The following C2CD2 variants were observed in gnomAD, a reference collection of about 807,000 sequenced individuals.
The protein encoded by C2CD2 is C2 domain-containing protein 2.
Under a neutral mutation model 74.3 loss-of-function variants are expected in C2CD2, and 43 were observed. That is an observed-to-expected ratio of 0.58 (90% confidence interval 0.45 to 0.75). The LOEUF is 0.75. Among genes scored for constraint, C2CD2 ranks in the 30% least tolerant of loss-of-function variants. C2CD2 has a pLI of 0.00. For synonymous variants in C2CD2, 422 were observed against 390.7 expected (o/e 1.08, Z -0.94); for missense variants, 801 against 916.3 (o/e 0.87, Z 1.63).
intron 13 of C2CD2, chr21:41,894,659 T>C (rs1289844225): frequency 2.2e-6 from 1 of 456,504 alleles, no homozygotes; most frequent in South Asian, 1.5e-5. Flanking sequence ...ATGAGTTGCG[T>C]CTCCAGAGAG....
chr21:41,947,112 TTC>T (rs147753254), intron 1 of C2CD2, among the ~76,000 whole-genome samples: 70 of 26,210 alleles, frequency 2.7e-3, no homozygotes, highest in African/African-American at 8.1e-3. Context: ...CCTTTCTCTT[TTC>T]TCTCTCTCTC....
Position 41,906,996 on chromosome 21 carries a change from G to A in C2CD2, c.1314C>T (p.Ser438=). 1 of 1,613,102 alleles carries A rather than the reference G, an allele frequency of 6.2e-7. No homozygotes were observed. Among genetic ancestry groups the A allele is most frequent in the Non-Finnish European group, 8.5e-7 (1 of 1,179,480 alleles). ...RVDVGRASPL[S]SDSPVKTPIK... is the part of the protein sequence containing the mutation. ...ACTGCGTTCCTGTTGTCTCACCAGA[G>A]CTCAGCGGGGACGCCCTCCCCACGT... The change falls in exon 10 of 14, where the codon AGC becomes AGT. Residue 438 remains serine, a synonymous_variant. Transcript: ENST00000380486.
chr21:41,930,149 A>AC (rs1194581792), intron 2 of C2CD2, among the ~76,000 whole-genome samples: 2 of 149,686 alleles, frequency 1.3e-5, no homozygotes, highest in African/African-American at 4.9e-5. Context: ...GAGTTTCATC[A>AC]TGGGCACACT....
chr21:41,898,482 C>T (rs193256291), intron 13 of C2CD2, among the ~76,000 whole-genome samples: 3 of 152,352 alleles, frequency 2.0e-5, no homozygotes, highest in East Asian at 3.9e-4. Context: ...TTTTAAAGCA[C>T]GGACTTAGGG....
intron 12 of C2CD2, among the ~76,000 whole-genome samples, chr21:41,900,699 T>C (rs2064884556): frequency 6.6e-6 from 1 of 152,070 alleles, no homozygotes; most frequent in Admixed American, 6.5e-5. Context: ...GCGTGCCCTC[T>C]GCCCACCCAC....
rs180776425 is a variant in C2CD2, at chr21:41,903,528, G to A, written c.1433-1779C>T. On this transcript the variant is annotated intron_variant, in intron 11 of 13. Coordinates refer to ENST00000380486, the MANE Select transcript of C2CD2 (RefSeq NM_015500.2). The surrounding 1 kb of genome is among the most constrained non-coding windows in gnomAD (Gnocchi z 4.5). Reference sequence around the variant, plus strand: ...GCCATAGAAAATCTACACATTTGGCGTCAGGAGTGTTGTGAGTAGAGGAAC... The same window carrying A: ...GCCATAGAAAATCTACACATTTGGCATCAGGAGTGTTGTGAGTAGAGGAAC... Among the ~76,000 whole-genome samples, 116 of 152,346 alleles carry A rather than the reference G, an allele frequency of 7.6e-4. 1 individual carries two copies. The highest frequency in any genetic ancestry group is 2.6e-3 in the African/African-American group (110 of 41,590).
Position 41,907,036 on chromosome 21 carries a change from G to A in C2CD2, c.1274C>T (p.Thr425Ile), listed in dbSNP as rs1477450906. The A allele has an allele frequency of 1.2e-6, 2 of 1,613,952 alleles. No individual in the cohort carries two copies. The highest frequency in any genetic ancestry group is 1.7e-6 in the Non-Finnish European group (2 of 1,179,966). ...CCTCCCCACGTCGACGCGAGGCTTG[G>A]TCTTCACAGCAGTGACAGTAGTGAC... Reference protein sequence around the residue: ...TVVTTVTAVKTKPRVDVGRAS... With the variant: ...TVVTTVTAVKIKPRVDVGRAS... The change falls in exon 10 of 14, where the codon ACC becomes ATC. Residue 425 changes from threonine (T) to isoleucine (I), a missense_variant. Physicochemically the swap from Thr to Ile is moderately conservative, Grantham distance 89 (BLOSUM62 -1). Transcript: ENST00000380486.
At chr21:41,890,327 T>C (rs941095225) in intron 13 of C2CD2, among the ~76,000 whole-genome samples, 5 of 152,182 alleles carry the variant, frequency 3.3e-5, no homozygotes, top group Non-Finnish European at 7.3e-5. Flanking sequence ...ATACAGATAT[T>C]TACCTGGCTA....
intron 2 of C2CD2, among the ~76,000 whole-genome samples, chr21:41,930,413 G>T (rs188160716): frequency 4.0e-5 from 6 of 150,046 alleles, no homozygotes; most frequent in African/African-American, 1.4e-4. Context: ...GAAAATGGGG[G>T]TATTCAGGGC....
chr21:41,942,492 C>T lies in C2CD2; in HGVS notation c.280-247G>A, dbSNP rs3746911. On this transcript the variant is annotated intron_variant, in intron 1 of 13. Transcript: ENST00000380486. The stretch of plus-strand genomic sequence containing the variant: ...AGAAGGCTGGGAAAGGACAGGAACC[C>T]GGGAGTAAACCTGAAGATGCTGCAG... 4.8e-3 allele frequency among the ~76,000 whole-genome samples: 729 copies of T among 152,262 alleles called. 18 individuals are homozygous for T. The highest frequency in any genetic ancestry group is 0.036 in the East Asian group (186 of 5,166).
chr21:41,931,424 G>GT (rs2077218439), intron 2 of C2CD2, among the ~76,000 whole-genome samples: 1 of 89,474 alleles, frequency 1.1e-5, no homozygotes, highest in African/African-American at 4.1e-5. Flanking sequence ...TGAGAAGAGT[G>GT]TCTTTTTTTT....
Position 41,899,065 on chromosome 21 carries a change from T to G in C2CD2, c.1858A>C (p.Lys620Gln), listed in dbSNP as rs2064858341. 3 of 1,613,448 alleles carry G rather than the reference T, an allele frequency of 1.9e-6. No individual in the cohort carries two copies. The highest frequency in any genetic ancestry group is 2.5e-6 in the Non-Finnish European group (3 of 1,179,864). ...CGGGAGCAGGTACCTTTATGCTTTT[T>G]GGCAGTGCCCGGCTCCAAGACACTC... is the stretch of plus-strand genomic sequence containing the variant. ...SMSVLEPGTA[K>Q]KHKGGILRKG... Residue 620 changes from lysine (K) to glutamine (Q), a missense_variant, in exon 13 of 14, where the codon AAA (lysine) becomes CAA (glutamine). Lys to Gln is a moderately conservative substitution (Grantham distance 53). Coordinates refer to ENST00000380486, the MANE Select transcript of C2CD2 (RefSeq NM_015500.2). This position sits in a 1 kb window ranked among gnomAD's most constrained non-coding sequence, Gnocchi z 4.4.
rs1022148169 is a variant in C2CD2, at chr21:41,953,693, G to A, written c.-45C>T. ...TCGCCCCAACTTCCCCGGCAGCCCCGGGCCGGAACGGCGGACTCAGGACAC... is the reference window on the plus strand; with the variant it reads ...TCGCCCCAACTTCCCCGGCAGCCCCAGGCCGGAACGGCGGACTCAGGACAC... On this transcript the variant is annotated 5_prime_UTR_variant, in exon 1 of 14. Coordinates refer to ENST00000380486, the MANE Select transcript of C2CD2 (RefSeq NM_015500.2). The A allele has an allele frequency of 7.4e-7, 1 of 1,343,692 alleles. No individual in the cohort carries two copies. Among genetic ancestry groups the A allele is most frequent in the Non-Finnish European group, 9.5e-7 (1 of 1,051,448 alleles). 83.2% of individuals were successfully genotyped at this position (1,343,692 alleles called of 1,614,324 possible).
At position 41,899,202 on chromosome 21, in the gene C2CD2, G is replaced by A. The variant is rs768114873; in HGVS notation, c.1721C>T (p.Pro574Leu). The A allele has an allele frequency of 1.2e-6, 2 of 1,612,478 alleles. No homozygotes were observed. Among genetic ancestry groups the A allele is most frequent in the Non-Finnish European group, 8.5e-7 (1 of 1,179,462 alleles). Reference sequence around the variant, plus strand: ...CCAGGAGTCTAGCTCGTCCTCCTGGGGCTTGGGGGCAAGGGATGCCTGGGC... The same window carrying A: ...CCAGGAGTCTAGCTCGTCCTCCTGGAGCTTGGGGGCAAGGGATGCCTGGGC... ...ESAQASLAPKPQEDELDSWDL... is the reference protein window; with the variant it reads ...ESAQASLAPKLQEDELDSWDL... Residue 574 changes from proline to leucine, a missense_variant, in exon 13 of 14, where the codon CCC becomes CTC. Physicochemically the swap from Pro to Leu is moderately conservative, Grantham distance 98. Transcript: ENST00000380486. The surrounding 1 kb of genome is among the most constrained non-coding windows in gnomAD (Gnocchi z 4.4).
intron 10 of C2CD2, among the ~76,000 whole-genome samples, chr21:41,906,478 G>A (rs1012320662): frequency 1.3e-5 from 2 of 152,204 alleles, no homozygotes; most frequent in African/African-American, 2.4e-5. Context: ...CAATTCTCCT[G>A]CCTCGGCCTC....
intron 2 of C2CD2, among the ~76,000 whole-genome samples, chr21:41,925,160 C>G (rs1301751852): frequency 6.6e-5 from 10 of 152,162 alleles, no homozygotes; most frequent in African/African-American, 2.4e-4. Flanking sequence ...TTCTTAGCCT[C>G]CCCTCAGAAT....
At chr21:41,913,313 C>T (rs2065050075) in intron 6 of C2CD2, among the ~76,000 whole-genome samples, 1 of 152,220 alleles carries the variant, frequency 6.6e-6, no homozygotes, top group Non-Finnish European at 1.5e-5. Context: ...ACAAAGTCCC[C>T]AATACACTGT....
chr21:41,927,946 T>C, intron 2 of C2CD2, among the ~76,000 whole-genome samples: 1 of 152,184 alleles, frequency 6.6e-6, no homozygotes. Context: ...TCCTCCCTTT[T>C]CTTGTTACAT....
chr21:41,893,698 C>CCTTT (rs1555899232), intron 13 of C2CD2, among the ~76,000 whole-genome samples: 12 of 122,106 alleles, frequency 9.8e-5, no homozygotes, highest in African/African-American at 2.8e-4. Context: ...TGTTAAATTT[C>CCTTT]TTTTTTTTTT....
Sources: gnomAD v4.1 joint callset for allele counts (sites outside exome capture counted in the v4.1 genomes callset) on GRCh38, gnomAD v4.1.1 for gene constraint, Gnocchi (gnomAD v3.1) non-coding constraint, MANE v1.5 for transcripts, NCBI Gene and HGNC (gene_info 2026-07-23, HGNC 2026-07-21) for gene names.